The following TLN2 variants were observed in gnomAD, a reference collection of about 807,000 sequenced individuals.
TLN2 encodes talin-2.
A neutral mutation model predicts 294.7 loss-of-function variants in TLN2; 118 were observed. That is an observed-to-expected ratio of 0.40 (90% CI 0.34 to 0.47). The LOEUF is 0.47. Ranked by LOEUF, TLN2 falls within the 20% of genes least tolerant of loss-of-function variation. The probability of loss-of-function intolerance (pLI) is 0.84; values close to 1 mark genes in which losing one functional copy is unlikely to be tolerated. For missense variants in TLN2, 3,083 were observed against 3,282.2 expected, an observed-to-expected ratio of 0.94 and a Z score of 1.48; for synonymous variants, 1,431 against 1,304.5, an observed-to-expected ratio of 1.10 and a Z score of -2.09.
chr15:62,718,224 A>G (rs1252812358), intron 24 of TLN2, among the ~76,000 whole-genome samples: 2 of 152,194 alleles, frequency 1.3e-5, no homozygotes, highest in African/African-American at 4.8e-5. Context: ...CAAAAGGTAC[A>G]GTAAACACCC....
intron 1 of TLN2, among the ~76,000 whole-genome samples, chr15:62,410,224 A>G (rs1282697354): frequency 2.6e-5 from 4 of 152,150 alleles, no homozygotes; most frequent in Admixed American, 2.6e-4. Context: ...CTTGGGTGAC[A>G]GAGCGAGACT....
chr15:62,692,988 A>G, intron 13 of TLN2, 47 bp downstream of exon 13: 5 of 1,537,432 alleles, frequency 3.3e-6, no homozygotes, highest in Non-Finnish European at 4.5e-6. Context: ...GCTTTATTAA[A>G]AGGCTTGGTT....
Position 62,844,556 on chromosome 15 carries a change from A to G in TLN2, c.*3946A>G, listed in dbSNP as rs1401297180. 2.0e-5 allele frequency: 3 copies of G among 152,172 alleles called. No homozygotes were observed. Among genetic ancestry groups the G allele is most frequent in the East Asian group, 3.9e-4 (2 of 5,192 alleles). 9.4% of individuals were successfully genotyped at this position (152,172 alleles called of 1,614,324 possible). On this transcript the variant is annotated 3_prime_UTR_variant, in exon 59 of 59. Transcript: ENST00000636159. ...TCAGCTCTGCCCTGTGTCGTATCTAATCACATACATTAATTTATCTAACCA... is the reference window on the plus strand; with the variant it reads ...TCAGCTCTGCCCTGTGTCGTATCTAGTCACATACATTAATTTATCTAACCA...
At chr15:62,773,268 G>A (rs2063470512) in intron 42 of TLN2, among the ~76,000 whole-genome samples, 1 of 85,586 alleles carries the variant, frequency 1.2e-5, no homozygotes, top group Admixed American at 1.9e-4. Flanking sequence ...AGTTTCCTGT[G>A]TTCCCAGCCA....
chr15:62,558,198 A>G (rs551318235), intron 1 of TLN2, among the ~76,000 whole-genome samples: 1 of 152,218 alleles, frequency 6.6e-6, no homozygotes, highest in Non-Finnish European at 1.5e-5. Flanking sequence ...TTGTATCTCA[A>G]CTCAATTTTG....
At chr15:62,602,866 CT>C (rs1168318291) in intron 2 of TLN2, among the ~76,000 whole-genome samples, 1,381 of 133,420 alleles carry the variant, frequency 0.01, 16 homozygotes, top group African/African-American at 0.028. Flanking sequence ...GAGGTGTTTG[CT>C]TTTTTTTTTT....
At chr15:62,620,532 G>A (rs187992354) in intron 3 of TLN2, among the ~76,000 whole-genome samples, 8 of 148,168 alleles carry the variant, frequency 5.4e-5, no homozygotes, top group Admixed American at 2.7e-4. Context: ...AAGCTGGAGC[G>A]CAGTGGCATG....
At chr15:62,548,855 G>A (rs1029248484) in intron 1 of TLN2, among the ~76,000 whole-genome samples, 2 of 152,084 alleles carry the variant, frequency 1.3e-5, no homozygotes, top group African/African-American at 4.8e-5. Flanking sequence ...AAATAATGTC[G>A]ACTCAAGGAT....
chr15:62,519,105 A>G (rs981864026), intron 1 of TLN2, among the ~76,000 whole-genome samples: 5 of 152,364 alleles, frequency 3.3e-5, no homozygotes, highest in East Asian at 1.9e-4. Flanking sequence ...GCCCAGGGTC[A>G]TAGACCTCTA....
intron 1 of TLN2, among the ~76,000 whole-genome samples, chr15:62,417,259 C>T (rs371106779): frequency 6.6e-6 from 1 of 152,190 alleles, no homozygotes; most frequent in African/African-American, 2.4e-5. Context: ...GTCGCCCTCT[C>T]CAGCGTGCTT....
chr15:62,415,690 A>G lies in TLN2; in HGVS notation c.-238+25005A>G, dbSNP rs377443677. On this transcript the variant is annotated intron_variant, in intron 1 of 58. Coordinates refer to ENST00000636159, the MANE Select transcript of TLN2 (RefSeq NM_015059.3). ...CTGCCAGGCGCTCCTGGCACAGGGA[A>G]CAGTGTGTTCCAAGGGTTGGGCCAG... 1.9e-3 allele frequency among the ~76,000 whole-genome samples: 284 copies of G among 152,320 alleles called. 2 individuals are homozygous for G. The highest frequency in any genetic ancestry group is 6.5e-3 in the African/African-American group (272 of 41,584).
chr15:62,490,104 G>A (rs141125033), intron 1 of TLN2, among the ~76,000 whole-genome samples: 2 of 152,170 alleles, frequency 1.3e-5, no homozygotes, highest in Admixed American at 1.3e-4. Context: ...AGTGATTTTA[G>A]CATATTCGTA....
intron 12 of TLN2, among the ~76,000 whole-genome samples, chr15:62,691,238 T>A (rs1053517895): frequency 2.7e-4 from 41 of 152,344 alleles, no homozygotes; most frequent in Admixed American, 2.4e-3. Flanking sequence ...TAATGTTAGA[T>A]CTTTTGTTAC....
intron 54 of TLN2, chr15:62,830,007 C>G (rs1032021097): frequency 6.6e-6 from 1 of 152,160 alleles, no homozygotes; most frequent in Non-Finnish European, 1.5e-5. Context: ...TCAATTTATC[C>G]TGTTTAATGA....
intron 52 of TLN2, among the ~76,000 whole-genome samples, chr15:62,810,964 A>G (rs1291320547): frequency 6.6e-6 from 1 of 152,202 alleles, no homozygotes; most frequent in Non-Finnish European, 1.5e-5. Flanking sequence ...AAGTTTTCTC[A>G]TTCTGTCCTT....
chr15:62,495,623 A>G (rs965605051), intron 1 of TLN2, among the ~76,000 whole-genome samples: 6 of 152,384 alleles, frequency 3.9e-5, no homozygotes, highest in African/African-American at 1.4e-4. Flanking sequence ...TGCCTTGTTA[A>G]ATGGAAAGTA....
At chr15:62,738,406 T>C in intron 30 of TLN2, 73 bp downstream of exon 30, 1 of 1,515,388 alleles carries the variant, frequency 6.6e-7, no homozygotes, top group Non-Finnish European at 8.9e-7. Context: ...AGTCTTCTTC[T>C]CTCCATGAGA....
chr15:62,567,378 C>A (rs2043490505), intron 1 of TLN2, among the ~76,000 whole-genome samples: 1 of 152,324 alleles, frequency 6.6e-6, no homozygotes, highest in East Asian at 1.9e-4. Context: ...AACACATTGT[C>A]AGAGTCCTTC....
chr15:62,572,871 C>T (rs989873864), intron 1 of TLN2, among the ~76,000 whole-genome samples: 1 of 152,196 alleles, frequency 6.6e-6, no homozygotes, highest in African/African-American at 2.4e-5. Context: ...TTCGCCACCC[C>T]CTCCTGCTGC....
Sources: gnomAD v4.1 joint callset for allele counts (sites outside exome capture counted in the v4.1 genomes callset) on GRCh38, gnomAD v4.1.1 for gene constraint, MANE v1.5 for transcripts, NCBI Gene and HGNC (gene_info 2026-07-23, HGNC 2026-07-21) for gene names.